The following ME3 variants were observed in gnomAD, a reference collection of about 807,000 sequenced individuals.
ME3 encodes NADP-dependent malic enzyme, mitochondrial.
In ME3, 48 loss-of-function variants were observed where a neutral mutation model predicts 68.9. That is an observed-to-expected ratio of 0.70 (90% CI 0.55 to 0.89). ME3 has a LOEUF of 0.89. ME3 is among the 40% of genes least tolerant of loss of function. ME3 has a pLI of 0.00. For missense variants in ME3, 675 were observed against 797.4 expected (o/e 0.85, Z 1.85); for synonymous variants, 320 against 318.8 (o/e 1.00, Z -0.04).
chr11:86,539,710 T>C (rs1955917152), intron 4 of ME3, among the ~76,000 whole-genome samples: 1 of 152,210 alleles, frequency 6.6e-6, no homozygotes, highest in African/African-American at 2.4e-5. Flanking sequence ...TCATATACAC[T>C]GTGTGAAGCT....
chr11:86,567,582 A>T (rs2139523064), intron 2 of ME3, among the ~76,000 whole-genome samples: 1 of 152,326 alleles, frequency 6.6e-6, no homozygotes, highest in East Asian at 1.9e-4. Flanking sequence ...GGCTTTTCAG[A>T]ACAGTCCACT....
At chr11:86,583,969 C>T (rs1399502127) in intron 2 of ME3, among the ~76,000 whole-genome samples, 1 of 152,028 alleles carries the variant, frequency 6.6e-6, no homozygotes, top group Non-Finnish European at 1.5e-5. Flanking sequence ...ACAAGTGGGA[C>T]TGTATCAAAC....
intron 8 of ME3, chr11:86,457,782 A>C: frequency 7.9e-7 from 1 of 1,262,220 alleles, no homozygotes; most frequent in Non-Finnish European, 1.0e-6. Context: ...AAAGAAAAAG[A>C]AGTTTTTTTT....
At chr11:86,443,107 A>G (rs1031154407) in intron 13 of ME3, among the ~76,000 whole-genome samples, 188 bp from the exon 14 acceptor site, 4 of 152,222 alleles carry the variant, frequency 2.6e-5, no homozygotes, top group Non-Finnish European at 4.4e-5. Context: ...TTTCTGTACT[A>G]TAAGACTGGC....
intron 2 of ME3, among the ~76,000 whole-genome samples, chr11:86,561,997 G>A (rs773342530): frequency 1.3e-5 from 2 of 152,140 alleles, no homozygotes; most frequent in African/African-American, 2.4e-5. Context: ...ACAAATGCAT[G>A]TCATGCATCT....
chr11:86,483,387 G>C (rs760488401), intron 7 of ME3, among the ~76,000 whole-genome samples: 6 of 152,160 alleles, frequency 3.9e-5, no homozygotes, highest in African/African-American at 1.4e-4. Flanking sequence ...GTGGTAACTG[G>C]CTCCAGATAT....
chr11:86,560,748 G>GTGTATGTATATATATATATATATATATA (rs1243025217), intron 2 of ME3, among the ~76,000 whole-genome samples: 2 of 62,526 alleles, frequency 3.2e-5, no homozygotes, highest in African/African-American at 1.2e-4. Flanking sequence ...GTGTGTGTGT[G>GTGTATGTATATATATATATATATATATA]TATATATATA....
intron 5 of ME3, among the ~76,000 whole-genome samples, chr11:86,498,404 C>T (rs1233694069): frequency 1.3e-5 from 2 of 152,182 alleles, no homozygotes; most frequent in Non-Finnish European, 2.9e-5. Context: ...TGGAGGGAAA[C>T]CACATTAAGT....
chr11:86,475,948 G>A (rs892066544), intron 7 of ME3, among the ~76,000 whole-genome samples: 3 of 151,584 alleles, frequency 2.0e-5, no homozygotes, highest in African/African-American at 4.9e-5. Context: ...TGCTGAGAGG[G>A]ACTCAGAATG....
intron 4 of ME3, among the ~76,000 whole-genome samples, chr11:86,520,687 T>C (rs566117385): frequency 6.6e-6 from 1 of 152,332 alleles, no homozygotes; most frequent in East Asian, 1.9e-4. Flanking sequence ...GGGCAGGAAC[T>C]GTATCCTCCA....
intron 2 of ME3, among the ~76,000 whole-genome samples, chr11:86,615,002 A>G (rs4439535): frequency 0.39 from 59,774 of 152,136 alleles, 12,459 homozygotes; most frequent in East Asian, 0.7. Flanking sequence ...AAGAATACAC[A>G]CATTCTGGCG....
intron 4 of ME3, among the ~76,000 whole-genome samples, chr11:86,539,493 C>A (rs562548556): frequency 6.6e-6 from 1 of 152,120 alleles, no homozygotes; most frequent in African/African-American, 2.4e-5. Flanking sequence ...CAATGAATAT[C>A]CTTATTTCAT....
At chr11:86,507,521 C>T (rs938232334) in intron 5 of ME3, among the ~76,000 whole-genome samples, 3 of 152,280 alleles carry the variant, frequency 2.0e-5, no homozygotes, top group African/African-American at 7.2e-5. Flanking sequence ...ACCACCCAGC[C>T]AGTGGATGTT....
At chr11:86,592,941 T>C (rs1166853735) in intron 2 of ME3, among the ~76,000 whole-genome samples, 1 of 152,144 alleles carries the variant, frequency 6.6e-6, no homozygotes, top group Non-Finnish European at 1.5e-5. Flanking sequence ...ACTAAGTGTG[T>C]GACTGTGAGC....
At chr11:86,574,215 G>A (rs558473476) in intron 2 of ME3, among the ~76,000 whole-genome samples, 11 of 152,180 alleles carry the variant, frequency 7.2e-5, no homozygotes, top group East Asian at 5.8e-4. Flanking sequence ...CTGTCAATTC[G>A]TCAATCTCAT....
intron 6 of ME3, among the ~76,000 whole-genome samples, chr11:86,496,821 G>A (rs1454067546): frequency 6.6e-6 from 1 of 150,658 alleles, no homozygotes; most frequent in Admixed American, 6.6e-5. Context: ...AATTAAATTT[G>A]AAAAAGAAAT....
intron 2 of ME3, among the ~76,000 whole-genome samples, chr11:86,627,473 T>A (rs1387448522): frequency 6.6e-6 from 1 of 152,242 alleles, no homozygotes; most frequent in Non-Finnish European, 1.5e-5. Context: ...AAAGTCTTTC[T>A]ACCCATATGC....
chr11:86,562,172 A>G (rs989164486), intron 2 of ME3, among the ~76,000 whole-genome samples: 2 of 152,192 alleles, frequency 1.3e-5, no homozygotes, highest in African/African-American at 2.4e-5. Context: ...AGCATAAAGT[A>G]TGTAGCTTTT....
intron 4 of ME3, among the ~76,000 whole-genome samples, chr11:86,514,058 C>A (rs1953722396): frequency 6.6e-6 from 1 of 152,084 alleles, no homozygotes; most frequent in Non-Finnish European, 1.5e-5. Flanking sequence ...GGCAGTTTCC[C>A]ACATGCTGTT....
Sources: allele counts gnomAD v4.1 joint callset (sites outside exome capture counted in the v4.1 genomes callset), GRCh38; gene constraint gnomAD v4.1.1; transcripts MANE v1.5; gene names NCBI Gene and HGNC (gene_info 2026-07-23, HGNC 2026-07-21).